Variants in PITPNM1 observed in about 807,000 individuals in gnomAD.
The protein encoded by PITPNM1 is membrane-associated phosphatidylinositol transfer protein 1.
A neutral mutation model predicts 133.3 loss-of-function variants in PITPNM1; 74 were observed. The ratio of observed to expected loss-of-function variants is 0.56; its 90% CI spans 0.46 to 0.67. The LOEUF is 0.67. Among genes scored for constraint, PITPNM1 ranks in the 30% least tolerant of loss-of-function variants. The pLI, the probability that PITPNM1 is intolerant of heterozygous loss-of-function variation, is 0.00. For synonymous variants in PITPNM1, 738 were observed against 741.4 expected, an observed-to-expected ratio of 1.00 and a Z score of 0.08; for missense variants, 1,398 against 1,739.5, an observed-to-expected ratio of 0.80 and a Z score of 3.49.
rs1451723940 is a variant in PITPNM1 at position 67,499,772 on chromosome 11, A to G, written c.1122T>C (p.Asn374=). The stretch of plus-strand genomic sequence containing the variant: ...GGGAGGCAAAGGCATCAATGAAGTC[A>G]TTGGAGTTCCACTTGGTCATCTCCT... ...FPKEMTKWNS[N]DFIDAFASPV... The change falls in exon 8 of 24, where the codon AAT becomes AAC. Residue 374 remains asparagine (N), a synonymous_variant. Transcript: ENST00000356404. The G allele has an allele frequency of 2.0e-6, 3 of 1,526,298 alleles. No individual in the cohort carries two copies. The highest frequency in any genetic ancestry group is 1.4e-5 in the African/African-American group (1 of 71,876). 94.5% of individuals were successfully genotyped at this position (1,526,298 alleles called of 1,614,324 possible).
In PITPNM1 at chr11:67,494,045, G is replaced by T. The variant is rs774235379; in HGVS notation, c.2885C>A (p.Pro962Gln). Reference sequence around the variant, plus strand: ...AAAGTGGATCCACTTGCCCGACAGCGGCTGCGTCATGATGTAGACATCCAC... The same window carrying T: ...AAAGTGGATCCACTTGCCCGACAGCTGCTGCGTCATGATGTAGACATCCAC... ...EKVDVYIMTQ[P>Q]LSGKWIHFGT... Residue 962 changes from proline (P) to glutamine (Q), a missense_variant, in exon 20 of 24, where the codon CCG becomes CAG. This residue lies in a region of PITPNM1 where 233 missense variants were observed against 378.0 expected (regional missense o/e 0.62). Transcript: ENST00000356404. 1 of 1,609,234 alleles carries T rather than the reference G, an allele frequency of 6.2e-7. No individual in the cohort carries two copies. Among genetic ancestry groups the T allele is most frequent in the South Asian group, 1.1e-5 (1 of 90,652 alleles).
intron 17 of PITPNM1, 26 bp from the exon 18 acceptor site, chr11:67,494,982 C>G: frequency 6.2e-7 from 1 of 1,610,108 alleles, no homozygotes; most frequent in Non-Finnish European, 8.5e-7. Flanking sequence ...GGCGAGGCCT[C>G]TGTCTCTTAG....
chr11:67,493,208 G>C (rs904498421), intron 22 of PITPNM1, 146 bp from the exon 23 acceptor site: 1 of 1,130,502 alleles, frequency 8.8e-7, no homozygotes, highest in South Asian at 1.4e-5. Context: ...GGACAGGGGC[G>C]GGACCAGCTG....
rs957218444 is a variant in PITPNM1 at position 67,501,932 on chromosome 11, A to G, written c.570T>C (p.Tyr190=). Residue 190 remains tyrosine, a synonymous_variant, in exon 5 of 24, where the codon TAT becomes TAC. Transcript: ENST00000356404. ...AGCGGAACTCAACCTTGCACAGCTT[A>G]TAGGCACACATAAGGGGCCCCGTCT... ...AAQTGPLMCA[Y]KLCKVEFRYW... is the part of the protein sequence containing the mutation. 3 of 1,613,478 alleles carry G rather than the reference A, an allele frequency of 1.9e-6. No homozygotes were observed. The African/African-American group carries it at 4.0e-5, about 22-fold the overall frequency.
At position 67,502,098 on chromosome 11, in the gene PITPNM1, C is replaced by A. The variant is rs373179217; in HGVS notation, c.416-12G>T. ...GATGTCGATGGTGTCTGAGGGAGTT[C>A]GGCAAGCATTGAGCAGCGCCAGCCC... On this transcript the variant is annotated splice_polypyrimidine_tract_variant and intron_variant, in intron 4 of 23. Transcript: ENST00000356404. The surrounding 1 kb of genome is among the most constrained non-coding windows in gnomAD (Gnocchi z 5.9). The A allele has an allele frequency of 6.2e-7, 1 of 1,607,698 alleles. No homozygotes were observed. Among genetic ancestry groups the A allele is most frequent in the South Asian group, 1.1e-5 (1 of 90,832 alleles).
rs896481926 is a variant in PITPNM1, at chr11:67,504,688, C to G, written c.-41-467G>C. 4 of 152,388 alleles carry G rather than the reference C, an allele frequency of 2.6e-5. No individual in the cohort carries two copies. Among genetic ancestry groups the G allele is most frequent in the Admixed American group, 2.6e-4 (4 of 15,310 alleles). The allele number at this position is 152,388 out of a possible 1,614,324, so 9.4% of individuals were successfully genotyped here. A position where few individuals can be genotyped will look rare whatever the true frequency, so the allele number is the denominator to read the frequency against. On this transcript the variant is annotated intron_variant, in intron 1 of 23. Coordinates refer to ENST00000356404, the MANE Select transcript of PITPNM1 (RefSeq NM_004910.3). This position sits in a 1 kb window ranked among gnomAD's most constrained non-coding sequence, Gnocchi z 5.4. The stretch of plus-strand genomic sequence containing the variant: ...TCGGCGGGGTCCCAAGTCCCCCACT[C>G]TCGGACGTCCACCTAGAGCTTTGTT...
At chr11:67,494,628 G>A (rs1221055428) in intron 18 of PITPNM1, among the ~76,000 whole-genome samples, 2 of 152,060 alleles carry the variant, frequency 1.3e-5, no homozygotes, top group African/African-American at 2.4e-5. Context: ...CCAGACCCTA[G>A]ACCCAAACTT....
chr11:67,491,987 C>T lies in PITPNM1; in HGVS notation c.*46G>A. The stretch of plus-strand genomic sequence containing the variant: ...CCTCCCACACGCAGCCCCTCGGGCC[C>T]CTTGGGTGTGTCAATAAATAACCCA... On this transcript the variant is annotated 3_prime_UTR_variant, in exon 24 of 24. Coordinates refer to ENST00000356404, the MANE Select transcript of PITPNM1 (RefSeq NM_004910.3). 6.3e-7 allele frequency: 1 copy of T among 1,593,158 alleles called. No individual in the cohort carries two copies. The highest frequency in any genetic ancestry group is 8.6e-7 in the Non-Finnish European group (1 of 1,168,404).
At position 67,497,408 on chromosome 11, in the gene PITPNM1, A is replaced by G; in HGVS notation, c.1969T>C (p.Ser657Pro). 1 of 1,589,870 alleles carries G rather than the reference A, an allele frequency of 6.3e-7. No homozygotes were observed. Among genetic ancestry groups the G allele is most frequent in the Non-Finnish European group, 8.6e-7 (1 of 1,165,750 alleles). ...GTGCTTGCCCGCCGGGGCTCCCAGG[A>G]GGAGGTGGTTGCGGGGGCTGCCTGA... ...SLQAAPATTS[S>P]WEPRRASTAF... The change falls in exon 14 of 24, where the codon TCC becomes CCC. Residue 657 changes from serine to proline, a missense_variant. Ser to Pro is a moderately conservative substitution (Grantham distance 74). Transcript: ENST00000356404.
At position 67,500,163 on chromosome 11, in the gene PITPNM1, G is replaced by A. The variant is rs1417481402; in HGVS notation, c.899C>T (p.Ser300Phe). The A allele has an allele frequency of 1.3e-6, 2 of 1,595,324 alleles. No homozygotes were observed. The highest frequency in any genetic ancestry group is 1.7e-6 in the Non-Finnish European group (2 of 1,171,020). Residue 300 changes from serine to phenylalanine, a missense_variant, in exon 6 of 24, where the codon TCC (serine) becomes TTC (phenylalanine). By Grantham distance (155) the Ser-to-Phe change is radical. This residue lies in a region of PITPNM1 where 195 missense variants were observed against 178.8 expected (regional missense o/e 1.09). Coordinates refer to ENST00000356404, the MANE Select transcript of PITPNM1 (RefSeq NM_004910.3). Reference sequence around the variant, plus strand: ...CTGCTTCCCAAAGCTGGCATCGGGGGAGGCATCTGGGCCTGGGGGGGCCTC... The same window carrying A: ...CTGCTTCCCAAAGCTGGCATCGGGGAAGGCATCTGGGCCTGGGGGGGCCTC... The part of the protein sequence containing the change: ...GPEAPPGPDA[S>F]PDASFGKQWS...
upstream of PITPNM1, chr11:67,505,514 A>G (rs187379936): frequency 1.2e-3 from 189 of 152,310 alleles, no homozygotes; most frequent in African/African-American, 4.0e-3. This position sits in a 1 kb window ranked among gnomAD's most constrained non-coding sequence, Gnocchi z 5.8. Context: ...TCCCCCGGGC[A>G]GTGGGAAAAA....
rs1314673104 is a variant in PITPNM1, at chr11:67,498,540, C to CCCCGCTCCCTGG, written c.1484+44_1484+55dup. Reference sequence around the variant, plus strand: ...TTCCTGACCCCTTCCCCGCTCCCTGCCCCGCTCCCTGGCCTGATCCTACGA... The same window carrying CCCCGCTCCCTGG: ...TTCCTGACCCCTTCCCCGCTCCCTGCCCCGCTCCCTGGCCCGCTCCCTGGCCTGATCCTACGA... On this transcript the variant is annotated intron_variant, in intron 10 of 23. Coordinates refer to ENST00000356404, the MANE Select transcript of PITPNM1 (RefSeq NM_004910.3). This position sits in a 1 kb window ranked among gnomAD's most constrained non-coding sequence, Gnocchi z 5.7. 1.1e-5 allele frequency: 17 copies of CCCCGCTCCCTGG among 1,568,818 alleles called. No individual in the cohort carries two copies. Among genetic ancestry groups the CCCCGCTCCCTGG allele is most frequent in the Middle Eastern group, 2.2e-4 (1 of 4,514 alleles).
At chr11:67,495,356 A>C in intron 16 of PITPNM1, 82 bp downstream of exon 16, 1 of 1,458,500 alleles carries the variant, frequency 6.9e-7, no homozygotes, top group Non-Finnish European at 9.1e-7. Context: ...TGCTGGGGGA[A>C]AGGGTTTCTC....
Position 67,498,048 on chromosome 11 carries a change from C to T in PITPNM1, c.1675-24G>A. The T allele has an allele frequency of 6.2e-7, 1 of 1,608,222 alleles. No individual in the cohort carries two copies. Among genetic ancestry groups the T allele is most frequent in the East Asian group, 2.2e-5 (1 of 44,874 alleles). On this transcript the variant is annotated intron_variant, in intron 11 of 23. Transcript: ENST00000356404. The surrounding 1 kb of genome is among the most constrained non-coding windows in gnomAD (Gnocchi z 5.7). The stretch of plus-strand genomic sequence containing the variant: ...ACCTGGGTGGGAGCAGGGGCACCAT[C>T]AGGAGAGGCCTTGTCCTCACCCAGG...
chr11:67,493,790 C>T lies in PITPNM1; in HGVS notation c.3056G>A (p.Gly1019Asp), dbSNP rs908766343. Reference sequence around the variant, plus strand: ...GATGCTGAAGACCACAGCCTCCGTGCCGCGGGCCACCACAGTCAGGCAGCA... The same window carrying T: ...GATGCTGAAGACCACAGCCTCCGTGTCGCGGGCCACCACAGTCAGGCAGCA... ...AECCLTVVAR[G>D]TEAVVFSIDG... is the part of the protein sequence containing the mutation. Residue 1019 changes from glycine to aspartate, a missense_variant, in exon 21 of 24, where the codon GGC becomes GAC. Gly to Asp is a moderately conservative substitution (Grantham distance 94, BLOSUM62 -1). Coordinates refer to ENST00000356404, the MANE Select transcript of PITPNM1 (RefSeq NM_004910.3). 5 of 1,549,798 alleles carry T rather than the reference C, an allele frequency of 3.2e-6. No individual in the cohort carries two copies. In the Middle Eastern group the frequency reaches 6.2e-4, roughly 191 times the overall value.
At position 67,492,246 on chromosome 11, in the gene PITPNM1, C is replaced by A; in HGVS notation, c.3522G>T (p.Ser1174=). 6.3e-7 allele frequency: 1 copy of A among 1,598,918 alleles called. No individual in the cohort carries two copies. Among genetic ancestry groups the A allele is most frequent in the Admixed American group, 1.7e-5 (1 of 58,714 alleles). ...VAHLGQLEAG[S]HSHASSGPPR... The stretch of plus-strand genomic sequence containing the variant: ...GGGGTCCCGAGGAGGCATGCGAGTG[C>A]GAGCCCGCTTCCAGCTGGCCCAGGT... The change falls in exon 24 of 24, where the codon TCG becomes TCT. Residue 1174 remains serine (S), a synonymous_variant. Coordinates refer to ENST00000356404, the MANE Select transcript of PITPNM1 (RefSeq NM_004910.3).
intron 14 of PITPNM1, chr11:67,496,642 A>G: frequency 2.5e-6 from 1 of 395,998 alleles, no homozygotes; most frequent in South Asian, 4.4e-5. Context: ...TCCATTAAAA[A>G]TACAAAAATT....
chr11:67,504,235 C>A lies in PITPNM1; in HGVS notation c.-41-14G>T. Reference sequence around the variant, plus strand: ...CCTCCGCTCCTCCTGGCGCAGGGCACGGCGCGACAGTCAGTGCGGGGAGGC... The same window carrying A: ...CCTCCGCTCCTCCTGGCGCAGGGCAAGGCGCGACAGTCAGTGCGGGGAGGC... On this transcript the variant is annotated splice_polypyrimidine_tract_variant and intron_variant, in intron 1 of 23. Coordinates refer to ENST00000356404, the MANE Select transcript of PITPNM1 (RefSeq NM_004910.3). The surrounding 1 kb of genome is among the most constrained non-coding windows in gnomAD (Gnocchi z 5.4). The A allele has an allele frequency of 7.3e-7, 1 of 1,370,248 alleles. No individual in the cohort carries two copies. Among genetic ancestry groups the A allele is most frequent in the Non-Finnish European group, 1.0e-6 (1 of 1,005,000 alleles). The allele number at this position is 1,370,248 out of a possible 1,614,324, so 84.9% of individuals were successfully genotyped here.
chr11:67,503,018 G>C (rs1866385183), intron 2 of PITPNM1, among the ~76,000 whole-genome samples: 1 of 152,206 alleles, frequency 6.6e-6, no homozygotes, highest in Non-Finnish European at 1.5e-5. Context: ...ATAGAACAAA[G>C]ATCCCTGCCC....
Sources: allele counts gnomAD v4.1 joint callset (sites outside exome capture counted in the v4.1 genomes callset), GRCh38; gene constraint gnomAD v4.1.1; regional missense constraint gnomAD v4.1.1; non-coding constraint Gnocchi (gnomAD v3.1); transcripts MANE v1.5; gene names NCBI Gene and HGNC (gene_info 2026-07-23, HGNC 2026-07-21).